ZSWIM5: variants seen among roughly 807,000 people sequenced by gnomAD.
The protein encoded by ZSWIM5 is zinc finger SWIM domain-containing protein 5.
Under a neutral mutation model 119.6 loss-of-function variants are expected in ZSWIM5, and 55 were observed. That is an observed-to-expected ratio of 0.46 (90% CI 0.37 to 0.58). The LOEUF (loss-of-function observed/expected upper bound fraction) is 0.58, where lower values mean the gene tolerates loss of function less well. Among genes scored for constraint, ZSWIM5 ranks in the 20% least tolerant of loss-of-function variants. The pLI is 0.00. For synonymous variants in ZSWIM5, 537 were observed against 606.9 expected, an observed-to-expected ratio of 0.88 and a Z score of 1.69; for missense variants, 1,193 against 1,512.8, an observed-to-expected ratio of 0.79 and a Z score of 3.51.
chr1:45,180,144 G>A (rs1375562803), intron 1 of ZSWIM5, among the ~76,000 whole-genome samples: 3 of 152,166 alleles, frequency 2.0e-5, no homozygotes, highest in Non-Finnish European at 1.5e-5. Flanking sequence ...GACTCACTCG[G>A]GAAGCCCAAG....
At chr1:45,162,705 C>A (rs895066306) in intron 1 of ZSWIM5, among the ~76,000 whole-genome samples, 1 of 151,380 alleles carries the variant, frequency 6.6e-6, no homozygotes, top group Non-Finnish European at 1.5e-5. Context: ...TCCACGCCCA[C>A]GGAGCCTTGC....
intron 6 of ZSWIM5, among the ~76,000 whole-genome samples, chr1:45,040,870 C>T (rs1244070998): frequency 1.3e-5 from 2 of 152,132 alleles, no homozygotes; most frequent in Non-Finnish European, 2.9e-5. Flanking sequence ...TGGGAAAAGT[C>T]TCATTCATTT....
At chr1:45,101,260 A>T (rs1246647875) in intron 1 of ZSWIM5, among the ~76,000 whole-genome samples, 1 of 152,208 alleles carries the variant, frequency 6.6e-6, no homozygotes, top group Non-Finnish European at 1.5e-5. Context: ...TCAAAAGGAG[A>T]CATTTAGGCA....
chr1:45,044,723 C>CA (rs869224710), intron 5 of ZSWIM5, among the ~76,000 whole-genome samples: 12 of 4,394 alleles, frequency 2.7e-3, no homozygotes, highest in African/African-American at 7.8e-3. Flanking sequence ...GACTCCGTCT[C>CA]AAAAAAAAAA....
chr1:45,148,945 TAAC>T (rs927327102), intron 1 of ZSWIM5, among the ~76,000 whole-genome samples: 2 of 152,194 alleles, frequency 1.3e-5, no homozygotes. Context: ...CTTAAGGGAA[TAAC>T]AACAACAAAA....
At chr1:45,117,500 C>T (rs1163086528) in intron 1 of ZSWIM5, among the ~76,000 whole-genome samples, 1 of 152,108 alleles carries the variant, frequency 6.6e-6, no homozygotes, top group Non-Finnish European at 1.5e-5. Context: ...CATAGTGAAA[C>T]CCTGTCTACT....
intron 1 of ZSWIM5, among the ~76,000 whole-genome samples, chr1:45,146,500 T>C (rs1698288): frequency 7.6e-6 from 1 of 131,830 alleles, no homozygotes; most frequent in South Asian, 2.6e-4. Context: ...AGTGCAGTGG[T>C]GCAATCTTGG....
intron 1 of ZSWIM5, among the ~76,000 whole-genome samples, chr1:45,140,840 T>TCC (rs1645721944): frequency 3.3e-5 from 5 of 152,198 alleles, no homozygotes; most frequent in African/African-American, 1.2e-4. Context: ...AAGTCATTAG[T>TCC]AGCAGACAGA....
chr1:45,098,575 C>A (rs1484806236), intron 1 of ZSWIM5, among the ~76,000 whole-genome samples: 1 of 152,174 alleles, frequency 6.6e-6, no homozygotes, highest in African/African-American at 2.4e-5. Context: ...AACTCTCCAC[C>A]CCAAATCAAC....
intron 2 of ZSWIM5, among the ~76,000 whole-genome samples, chr1:45,061,010 A>C (rs541417728): frequency 2.0e-4 from 31 of 152,326 alleles, no homozygotes; most frequent in African/African-American, 7.0e-4. Flanking sequence ...CTAAAGCATA[A>C]GTAGAGTTTC....
rs1359369983 is a variant in ZSWIM5, at chr1:45,051,344, A to G, written c.1253-91T>C. ...TCAGTTTCATTTTTAGATGGTAGAG[A>G]AAGTTTCCAAAGCATTATCTTTTCT... On this transcript the variant is annotated intron_variant, in intron 4 of 13. Coordinates refer to ENST00000359600, the MANE Select transcript of ZSWIM5 (RefSeq NM_020883.2). 6 of 1,296,078 alleles carry G rather than the reference A, an allele frequency of 4.6e-6. No individual in the cohort carries two copies. The Admixed American group carries it at 1.6e-4, about 34-fold the overall frequency. 80.3% of individuals were successfully genotyped at this position (1,296,078 alleles called of 1,614,324 possible).
intron 1 of ZSWIM5, among the ~76,000 whole-genome samples, chr1:45,101,235 A>G (rs1645437953): frequency 6.6e-6 from 1 of 152,226 alleles, no homozygotes; most frequent in African/African-American, 2.4e-5. Flanking sequence ...GGCAAAGGAT[A>G]TGCACAGACA....
chr1:45,081,373 C>A (rs1483881449), intron 2 of ZSWIM5, among the ~76,000 whole-genome samples: 1 of 152,182 alleles, frequency 6.6e-6, no homozygotes, highest in African/African-American at 2.4e-5. Context: ...CGAAGCTGGA[C>A]TATACTGCTG....
chr1:45,162,253 G>A (rs1645868097), intron 1 of ZSWIM5, among the ~76,000 whole-genome samples: 1 of 152,236 alleles, frequency 6.6e-6, no homozygotes, highest in Admixed American at 6.5e-5. Flanking sequence ...ACTATGGGAG[G>A]AGGCTGAGGC....
chr1:45,076,053 G>T (rs1645254977), intron 2 of ZSWIM5, among the ~76,000 whole-genome samples: 1 of 151,914 alleles, frequency 6.6e-6, no homozygotes, highest in Admixed American at 6.6e-5. Context: ...ACTTTTTGTT[G>T]TTACTACTTT....
Position 45,184,559 on chromosome 1 carries a change from T to A in ZSWIM5, c.595+21197A>T, listed in dbSNP as rs963263182. On this transcript the variant is annotated intron_variant, in intron 1 of 13. Transcript: ENST00000359600. ...AAGCAACTCCAGCAAAGTCTCAGGA[T>A]ACAAAATCAATGTACAAAAATCACA... is the stretch of plus-strand genomic sequence containing the variant. Among the ~76,000 whole-genome samples, 4 of 152,174 alleles carry A rather than the reference T, an allele frequency of 2.6e-5. No individual in the cohort carries two copies. In the South Asian group the frequency reaches 8.3e-4, roughly 31 times the overall value.
intron 11 of ZSWIM5, among the ~76,000 whole-genome samples, chr1:45,027,366 T>C (rs927841289): frequency 1.3e-5 from 2 of 151,960 alleles, no homozygotes; most frequent in African/African-American, 2.4e-5. Context: ...ACTTAGATGA[T>C]TGATTTTATT....
intron 1 of ZSWIM5, among the ~76,000 whole-genome samples, chr1:45,148,763 A>G (rs769526417): frequency 1.1e-4 from 17 of 152,262 alleles, no homozygotes; most frequent in Non-Finnish European, 2.5e-4. Flanking sequence ...ACAAAGCTAT[A>G]CACAGTGATA....
chr1:45,141,449 C>T lies in ZSWIM5; in HGVS notation c.596-53212G>A, dbSNP rs376390667. 1.0e-3 allele frequency among the ~76,000 whole-genome samples: 157 copies of T among 152,148 alleles called. 3 individuals are homozygous for T. The highest frequency in any genetic ancestry group is 6.8e-3 in the Middle Eastern group (2 of 294). On this transcript the variant is annotated intron_variant, in intron 1 of 13. Transcript: ENST00000359600. ...TGGTTTATGAACTCCTGGCCCCAGC[C>T]CAAGTAGAGAACATGTAGATCTGTC... is the stretch of plus-strand genomic sequence containing the variant.
Sources: gnomAD v4.1 joint callset for allele counts (sites outside exome capture counted in the v4.1 genomes callset) on GRCh38, gnomAD v4.1.1 for gene constraint, MANE v1.5 for transcripts, NCBI Gene and HGNC (gene_info 2026-07-23, HGNC 2026-07-21) for gene names.